Variants in PDSS2 observed in about 807,000 individuals in gnomAD.
The protein encoded by PDSS2 is decaprenyl diphosphate synthase subunit 2, also known as all trans-polyprenyl-diphosphate synthase PDSS2.
A neutral mutation model predicts 44.5 loss-of-function variants in PDSS2; 31 were observed. The observed-to-expected ratio is 0.70, with a 90% CI of 0.52 to 0.94. PDSS2 has a LOEUF of 0.94. PDSS2 is among the 40% of genes least tolerant of loss of function. The probability of loss-of-function intolerance (pLI) is 0.00; values close to 1 mark genes in which losing one functional copy is unlikely to be tolerated. For missense variants in PDSS2, 452 were observed against 482.2 expected (o/e 0.94, Z 0.59); for synonymous variants, 157 against 180.3 (o/e 0.87, Z 1.03).
At chr6:107,446,802 C>T (rs896676833) in intron 1 of PDSS2, among the ~76,000 whole-genome samples, 9 of 152,002 alleles carry the variant, frequency 5.9e-5, no homozygotes, top group Admixed American at 4.6e-4. Context: ...AAATTATCTC[C>T]CACCAGTTCC....
chr6:107,454,939 G>C (rs147349132), intron 1 of PDSS2, among the ~76,000 whole-genome samples: 1 of 152,142 alleles, frequency 6.6e-6, no homozygotes, highest in East Asian at 1.9e-4. Context: ...AATATATACA[G>C]ATACATATCC....
chr6:107,419,788 T>C (rs139050811), intron 1 of PDSS2, among the ~76,000 whole-genome samples: 121 of 152,346 alleles, frequency 7.9e-4, no homozygotes, highest in African/African-American at 2.8e-3. Context: ...CTGACAGTCT[T>C]ATGCATCTTT....
chr6:107,260,232 T>G (rs948934652), intron 3 of PDSS2, among the ~76,000 whole-genome samples: 1 of 152,236 alleles, frequency 6.6e-6, no homozygotes, highest in Non-Finnish European at 1.5e-5. Context: ...AGTCCTCCAG[T>G]AGGTCATTAG....
At chr6:107,380,796 G>T (rs768017936) in intron 1 of PDSS2, among the ~76,000 whole-genome samples, 2 of 152,098 alleles carry the variant, frequency 1.3e-5, no homozygotes, top group African/African-American at 2.4e-5. Context: ...AAGAGTTATT[G>T]ATTTTCAGTT....
intron 7 of PDSS2, among the ~76,000 whole-genome samples, chr6:107,189,189 G>A (rs1002573291): frequency 1.3e-5 from 2 of 152,058 alleles, no homozygotes; most frequent in Non-Finnish European, 2.9e-5. Flanking sequence ...CTGGGAGTAT[G>A]AGTGTGCACC....
At chr6:107,188,492 T>C (rs1183485652) in intron 7 of PDSS2, among the ~76,000 whole-genome samples, 1 of 152,138 alleles carries the variant, frequency 6.6e-6, no homozygotes, top group Non-Finnish European at 1.5e-5. Flanking sequence ...GCCTAGGGAA[T>C]AGAACAGCAC....
intron 7 of PDSS2, 21 bp downstream of exon 7, chr6:107,193,801 G>T (rs776161398): frequency 2.1e-6 from 3 of 1,395,862 alleles, no homozygotes; most frequent in Non-Finnish European, 3.1e-6. Context: ...AAATAGTACA[G>T]TATGTATAAA....
At chr6:107,291,844 T>C (rs1467674435) in intron 2 of PDSS2, among the ~76,000 whole-genome samples, 1 of 151,960 alleles carries the variant, frequency 6.6e-6, no homozygotes, top group Non-Finnish European at 1.5e-5. Flanking sequence ...AGAGACCTCA[T>C]TTCTATTTAA....
chr6:107,371,442 A>G (rs1779126529), intron 1 of PDSS2, among the ~76,000 whole-genome samples: 1 of 152,202 alleles, frequency 6.6e-6, no homozygotes, highest in African/African-American at 2.4e-5. Flanking sequence ...GCAAGAGTAA[A>G]GGACAGTCTC....
intron 7 of PDSS2, among the ~76,000 whole-genome samples, chr6:107,167,578 A>G (rs1221227953): frequency 6.6e-6 from 1 of 152,074 alleles, no homozygotes; most frequent in Non-Finnish European, 1.5e-5. Flanking sequence ...TTAGGGTGTC[A>G]ATTTGAGATC....
At chr6:107,386,430 T>C (rs1366710978) in intron 1 of PDSS2, among the ~76,000 whole-genome samples, 1 of 151,904 alleles carries the variant, frequency 6.6e-6, no homozygotes, top group African/African-American at 2.4e-5. Flanking sequence ...TTAAGTGTTA[T>C]CTGAACATGT....
At chr6:107,162,494 C>CA (rs374615595) in intron 7 of PDSS2, among the ~76,000 whole-genome samples, 6,475 of 58,252 alleles carry the variant, frequency 0.11, 766 homozygotes, top group Non-Finnish European at 0.15. Context: ...GAGACCATCT[C>CA]AAAAAAAAAA....
chr6:107,164,168 AT>A (rs66481350), intron 7 of PDSS2, among the ~76,000 whole-genome samples: 23 of 150,388 alleles, frequency 1.5e-4, no homozygotes, highest in East Asian at 3.9e-4. Context: ...CTTAAAAAAA[AT>A]TTTTTTTTTA....
intron 1 of PDSS2, among the ~76,000 whole-genome samples, chr6:107,397,100 CTG>C (rs1311703211): frequency 6.6e-6 from 1 of 151,906 alleles, no homozygotes; most frequent in Non-Finnish European, 1.5e-5. Context: ...AAGGGTGAAA[CTG>C]TCAGTTGTCT....
chr6:107,287,873 T>C (rs1331803767), intron 2 of PDSS2, among the ~76,000 whole-genome samples: 1 of 151,990 alleles, frequency 6.6e-6, no homozygotes, highest in African/African-American at 2.4e-5. Context: ...CGTGTGCCTA[T>C]AGTCCCAGCT....
chr6:107,271,553 A>T lies in PDSS2; in HGVS notation c.630+2476T>A, dbSNP rs192382592. Among the ~76,000 whole-genome samples, 852 of 152,332 alleles carry T rather than the reference A, an allele frequency of 5.6e-3. 1 individual carries two copies. The highest frequency in any genetic ancestry group is 7.9e-3 in the Non-Finnish European group (540 of 68,024). On this transcript the variant is annotated intron_variant, in intron 3 of 7. Coordinates refer to ENST00000369037, the MANE Select transcript of PDSS2 (RefSeq NM_020381.4). ...CTCTTGCAGGCCATGCATGGGCTACAGTACAATTGGGTGACACACTACACA... is the reference window on the plus strand; with the variant it reads ...CTCTTGCAGGCCATGCATGGGCTACTGTACAATTGGGTGACACACTACACA...
intron 6 of PDSS2, among the ~76,000 whole-genome samples, chr6:107,204,820 C>A (rs765029951): frequency 6.6e-6 from 1 of 152,196 alleles, no homozygotes; most frequent in Non-Finnish European, 1.5e-5. Flanking sequence ...CCATAGACAA[C>A]CTTTAGGCAA....
intron 3 of PDSS2, among the ~76,000 whole-genome samples, chr6:107,267,536 G>A (rs984362562): frequency 2.0e-5 from 3 of 150,672 alleles, no homozygotes; most frequent in African/African-American, 7.3e-5. Context: ...AAAGGAGAGA[G>A]ACATTTGAGA....
intron 4 of PDSS2, among the ~76,000 whole-genome samples, chr6:107,222,103 C>T (rs893476285): frequency 5.9e-5 from 9 of 152,136 alleles, no homozygotes; most frequent in African/African-American, 2.2e-4. Flanking sequence ...CCCATTTCAC[C>T]ATGTTAAATG....
Sources: gnomAD v4.1 joint callset for allele counts (sites outside exome capture counted in the v4.1 genomes callset) on GRCh38, gnomAD v4.1.1 for gene constraint, MANE v1.5 for transcripts, NCBI Gene and HGNC (gene_info 2026-07-23, HGNC 2026-07-21) for gene names.